Variants in DOK3 observed in about 807,000 individuals in gnomAD.
The protein encoded by DOK3 is docking protein 3.
Under a neutral mutation model 26.2 loss-of-function variants are expected in DOK3, and 23 were observed. The observed-to-expected ratio is 0.88, with a 90% CI of 0.63 to 1.24. The LOEUF is 1.24. DOK3 is among the 50% of genes most tolerant of loss of function. The pLI, the probability that DOK3 is intolerant of heterozygous loss-of-function variation, is 0.00. For missense variants in DOK3, 619 were observed against 610.6 expected (o/e 1.01, Z -0.15); for synonymous variants, 268 against 268.2 (o/e 1.00, Z 0.01).
upstream of DOK3, chr5:177,510,108 C>A: frequency 1.7e-6 from 1 of 604,410 alleles, no homozygotes; most frequent in Non-Finnish European, 2.9e-6. Flanking sequence ...GCCACTGCCC[C>A]ACTGGGCCTC....
At chr5:177,504,715 C>T (rs1383553150) in intron 5 of DOK3, 28 bp downstream of exon 5, 1 of 1,613,966 alleles carries the variant, frequency 6.2e-7, no homozygotes, top group Admixed American at 1.7e-5. Context: ...GTGTCAGCCC[C>T]TCACCCTTTC....
chr5:177,509,879 C>A, upstream of DOK3: 2 of 1,608,510 alleles, frequency 1.2e-6, no homozygotes, highest in Non-Finnish European at 1.7e-6. Context: ...CCCGTCCCGC[C>A]CCGGGCAGCT....
rs996848114 is a variant in DOK3, at chr5:177,503,769, G to A, written c.*214C>T. 8.2e-5 allele frequency: 116 copies of A among 1,419,022 alleles called. No homozygotes were observed. In the African/African-American group the frequency reaches 1.3e-3, roughly 15 times the overall value. The allele number at this position is 1,419,022 out of a possible 1,614,324, so 87.9% of individuals were successfully genotyped here. On this transcript the variant is annotated 3_prime_UTR_variant, in exon 6 of 6. Coordinates refer to ENST00000510898, the MANE Select transcript of DOK3 (RefSeq NM_001308236.3). Reference sequence around the variant, plus strand: ...GGCGTGTGCCGTGAGTGCCCCTGCCGGGAGCTGCTCTGAGCTTTATTATCT... The same window carrying A: ...GGCGTGTGCCGTGAGTGCCCCTGCCAGGAGCTGCTCTGAGCTTTATTATCT...
rs1331193737 is a variant in DOK3 at position 177,503,013 on chromosome 5, C to A, written c.*970G>T. 6.7e-7 allele frequency: 1 copy of A among 1,492,108 alleles called. No homozygotes were observed. The allele number at this position is 1,492,108 out of a possible 1,614,324, so 92.4% of individuals were successfully genotyped here. ...AGGATGAGGCTTGGACAGGAGAGAG[C>A]AAAAATTGTGTGTCCGTCATGAAAA... On this transcript the variant is annotated 3_prime_UTR_variant, in exon 6 of 6. Coordinates refer to ENST00000510898, the MANE Select transcript of DOK3 (RefSeq NM_001308236.3).
rs1459312428 is a variant in DOK3, at chr5:177,507,048, T to C, written c.372+1189A>G. Among the ~76,000 whole-genome samples, 6 of 152,136 alleles carry C rather than the reference T, an allele frequency of 3.9e-5. 1 individual carries two copies. The highest frequency in any genetic ancestry group is 1.4e-4 in the African/African-American group (6 of 41,406). On this transcript the variant is annotated intron_variant, in intron 3 of 5. Coordinates refer to ENST00000510898, the MANE Select transcript of DOK3 (RefSeq NM_001308236.3). ...GTTGCCACTGTCTAGTTCCAGAACT[T>C]TTCCATCATCCCACATGGAAGCCCT...
chr5:177,504,392 C>T lies in DOK3; in HGVS notation c.914G>A (p.Gly305Glu), dbSNP rs1034727625. 6.4e-7 allele frequency: 1 copy of T among 1,565,130 alleles called. No homozygotes were observed. Among genetic ancestry groups the T allele is most frequent in the Non-Finnish European group, 8.7e-7 (1 of 1,155,036 alleles). Residue 305 changes from glycine to glutamate, a missense_variant, in exon 6 of 6, where the codon GGA (glycine) becomes GAA (glutamate). Physicochemically the swap from Gly to Glu is moderately conservative, Grantham distance 98. Transcript: ENST00000510898. ...TSRKMHLAEP[G>E]PQSLPLLLGP... ...TAGCAGTAGCGGCAGGCTCTGGGGT[C>T]CGGGCTCGGCCAGGTGCATTTTCCT...
chr5:177,508,296 G>T lies in DOK3; in HGVS notation c.313C>A (p.Leu105Ile). ...GCCTGGCGGTGCTGAGCAGCCAGTAGATGGCTTCGCTCGGTGGTGGTGAGC... is the reference window on the plus strand; with the variant it reads ...GCCTGGCGGTGCTGAGCAGCCAGTATATGGCTTCGCTCGGTGGTGGTGAGC... ...FLLTTTERSH[L>I]LAAQHRQAWM... Residue 105 changes from leucine to isoleucine, a missense_variant, in exon 3 of 6, where the codon CTA (leucine) becomes ATA (isoleucine). By Grantham distance (5) the Leu-to-Ile change is conservative (BLOSUM62 2). Coordinates refer to ENST00000510898, the MANE Select transcript of DOK3 (RefSeq NM_001308236.3). 6.3e-7 allele frequency: 1 copy of T among 1,579,642 alleles called. No homozygotes were observed. Among genetic ancestry groups the T allele is most frequent in the Non-Finnish European group, 8.6e-7 (1 of 1,165,558 alleles).
Position 177,503,288 on chromosome 5 carries a change from T to C in DOK3, c.*695A>G, listed in dbSNP as rs1581775066. ...GGCTGTGTCCCCCAGCGCCTGGCACTGAGTAGGCACGCAGCAAACTCTCAT... is the reference window on the plus strand; with the variant it reads ...GGCTGTGTCCCCCAGCGCCTGGCACCGAGTAGGCACGCAGCAAACTCTCAT... On this transcript the variant is annotated 3_prime_UTR_variant, in exon 6 of 6. Coordinates refer to ENST00000510898, the MANE Select transcript of DOK3 (RefSeq NM_001308236.3). 2 of 1,550,750 alleles carry C rather than the reference T, an allele frequency of 1.3e-6. No homozygotes were observed. Among genetic ancestry groups the C allele is most frequent in the South Asian group, 1.2e-5 (1 of 84,052 alleles).
chr5:177,509,862 C>G (rs1204988425), upstream of DOK3: 1 of 1,610,104 alleles, frequency 6.2e-7, no homozygotes, highest in South Asian at 1.1e-5. Flanking sequence ...TGAGTTCCCG[C>G]CCCTCCCCCG....
At chr5:177,505,907 T>G (rs1760090067) in intron 3 of DOK3, among the ~76,000 whole-genome samples, 1 of 151,936 alleles carries the variant, frequency 6.6e-6, no homozygotes, top group African/African-American at 2.4e-5. Flanking sequence ...TGGCTAATTT[T>G]TTTTGTATTT....
chr5:177,509,945 G>A (rs1453263258), upstream of DOK3: 4 of 1,521,490 alleles, frequency 2.6e-6, no homozygotes, highest in Non-Finnish European at 1.8e-6. Context: ...CCCTTCTCTA[G>A]CCAACTCCTG....
upstream of DOK3, chr5:177,510,457 A>G (rs1308650272): frequency 6.5e-6 from 1 of 153,316 alleles, no homozygotes; most frequent in Admixed American, 6.5e-5. Context: ...GAGAGGTCAC[A>G]TGTTCATTTA....
At chr5:177,506,677 T>C (rs1041160610) in intron 3 of DOK3, among the ~76,000 whole-genome samples, 16 of 130,960 alleles carry the variant, frequency 1.2e-4, no homozygotes, top group African/African-American at 4.3e-4. Flanking sequence ...TGCTCTTTTT[T>C]TTCTTTTCTT....
At chr5:177,509,918 C>T (rs1760782974), upstream of DOK3, 3 of 1,591,420 alleles carry the variant, frequency 1.9e-6, no homozygotes, top group Admixed American at 1.7e-5. Context: ...ACTCCCTGGC[C>T]CTGCCTCCAC....
In DOK3 at chr5:177,509,648, C is replaced by T. The variant is rs1760719299; in HGVS notation, c.-108G>A. ...TTCTGGCCACTTCCCGTCCCTCCGT[C>T]TAGAGACAGCTGCAGGCCGGGGGGA... On this transcript the variant is annotated 5_prime_UTR_variant, in exon 2 of 6. Transcript: ENST00000510898. 6.3e-7 allele frequency: 1 copy of T among 1,588,860 alleles called. No individual in the cohort carries two copies. Among genetic ancestry groups the T allele is most frequent in the Non-Finnish European group, 8.6e-7 (1 of 1,165,084 alleles).
Position 177,504,561 on chromosome 5 carries a change from C to A in DOK3, c.745G>T (p.Gly249Trp). ...CGCTCCCGCTGGCGGGCGATGGCCCCGGCCACAGCCCTGCACAGGTCAGGG... is the reference window on the plus strand; with the variant it reads ...CGCTCCCGCTGGCGGGCGATGGCCCAGGCCACAGCCCTGCACAGGTCAGGG... ...CAPDLCRAVA[G>W]AIARQRERLP... is the part of the protein sequence containing the mutation. Residue 249 changes from glycine (G) to tryptophan (W), a missense_variant, in exon 6 of 6, where the codon GGG (glycine) becomes TGG (tryptophan). Coordinates refer to ENST00000510898, the MANE Select transcript of DOK3 (RefSeq NM_001308236.3). 6.3e-7 allele frequency: 1 copy of A among 1,597,656 alleles called. No individual in the cohort carries two copies. Among genetic ancestry groups the A allele is most frequent in the African/African-American group, 1.3e-5 (1 of 74,834 alleles).
chr5:177,508,874 T>G, intron 2 of DOK3: 11 of 294,274 alleles, frequency 3.7e-5, no homozygotes, highest in East Asian at 5.7e-5. Flanking sequence ...ATTATATTGG[T>G]TCCCTCTCAC....
chr5:177,505,143 A>G, intron 3 of DOK3, 33 bp from the exon 4 acceptor site: 1 of 1,560,276 alleles, frequency 6.4e-7, no homozygotes, highest in Non-Finnish European at 8.7e-7. Context: ...AGGTGAGAGC[A>G]CCGCACTCCC....
intron 3 of DOK3, among the ~76,000 whole-genome samples, chr5:177,506,776 C>T (rs2127428123): frequency 6.8e-6 from 1 of 147,240 alleles, no homozygotes; most frequent in Admixed American, 6.9e-5. Flanking sequence ...GCAACCTCTG[C>T]CTCCCAGGTT....
Sources: allele counts gnomAD v4.1 joint callset (sites outside exome capture counted in the v4.1 genomes callset), GRCh38; gene constraint gnomAD v4.1.1; transcripts MANE v1.5; gene names NCBI Gene and HGNC (gene_info 2026-07-23, HGNC 2026-07-21).